KLHL32: variants seen among roughly 807,000 people sequenced by gnomAD.
KLHL32 encodes kelch-like protein 32.
KLHL32 carries 35 observed loss-of-function variants against 64.8 expected under a neutral mutation model. The observed-to-expected ratio is 0.54, with a 90% CI of 0.41 to 0.72. The LOEUF is 0.72. Among genes scored for constraint, KLHL32 ranks in the 30% least tolerant of loss-of-function variants. The probability of loss-of-function intolerance (pLI) is 0.00; values close to 1 mark genes in which losing one functional copy is unlikely to be tolerated. For missense variants in KLHL32, 589 were observed against 768.5 expected (o/e 0.77, Z 2.76); for synonymous variants, 259 against 281.0 (o/e 0.92, Z 0.78).
At chr6:96,974,096 C>T (rs942771491) in intron 2 of KLHL32, among the ~76,000 whole-genome samples, 20 of 151,998 alleles carry the variant, frequency 1.3e-4, no homozygotes, top group African/African-American at 4.4e-4. Context: ...TCTCAAAATA[C>T]CGGATCTTGG....
At chr6:97,018,328 A>G (rs892134830) in intron 3 of KLHL32, among the ~76,000 whole-genome samples, 10 of 152,088 alleles carry the variant, frequency 6.6e-5, no homozygotes, top group Admixed American at 1.3e-4. Context: ...TATTAAAAAT[A>G]TCAATTTGGC....
At chr6:96,907,909 A>G in the KLHL32 span, among the ~76,000 whole-genome samples, 56 of 152,348 alleles carry the variant, frequency 3.7e-4, no homozygotes, top group Middle Eastern at 3.4e-3. Context: ...TTGTATGTGA[A>G]TGACTAGTTA....
chr6:97,042,404 T>C (rs1766500), intron 4 of KLHL32, among the ~76,000 whole-genome samples: 38,655 of 152,126 alleles, frequency 0.25, 6,291 homozygotes, highest in African/African-American at 0.45. Context: ...GGTGTGGCTA[T>C]CAGTACACAA....
At chr6:97,017,237 G>T (rs547995889) in intron 3 of KLHL32, among the ~76,000 whole-genome samples, 1 of 152,216 alleles carries the variant, frequency 6.6e-6, no homozygotes, top group Admixed American at 6.5e-5. Context: ...ATGTCCTTGA[G>T]ATTTAGGAGA....
intron 3 of KLHL32, among the ~76,000 whole-genome samples, chr6:97,038,407 T>TA (rs964928373): frequency 6.6e-6 from 1 of 151,866 alleles, no homozygotes; most frequent in African/African-American, 2.4e-5. Flanking sequence ...TAGATATATT[T>TA]AAAAAAATGC....
Position 97,018,550 on chromosome 6 carries a change from G to A in KLHL32, c.205-22942G>A, listed in dbSNP as rs569183188. 4.0e-3 allele frequency among the ~76,000 whole-genome samples: 589 copies of A among 148,746 alleles called. 3 individuals carry two copies. The highest frequency in any genetic ancestry group is 3.8e-3 in the Non-Finnish European group (259 of 67,360). On this transcript the variant is annotated intron_variant, in intron 3 of 10. Coordinates refer to ENST00000369261, the MANE Select transcript of KLHL32 (RefSeq NM_052904.4). ...AGGGAGGCAGAGGTTGCAGCGAGCC[G>A]AGATCACACCACTGTGCTCCAGCCT...
intron 3 of KLHL32, among the ~76,000 whole-genome samples, chr6:97,011,823 G>A (rs1259474549): frequency 6.6e-6 from 1 of 152,148 alleles, no homozygotes; most frequent in Non-Finnish European, 1.5e-5. Flanking sequence ...TGTTATTCAA[G>A]CTGCAAAACC....
intron 4 of KLHL32, among the ~76,000 whole-genome samples, chr6:97,050,382 G>A (rs573360210): frequency 6.6e-6 from 1 of 152,302 alleles, no homozygotes; most frequent in East Asian, 1.9e-4. Context: ...GGAGAGAGCA[G>A]GGTGACTCCT....
At chr6:96,950,228 G>A (rs1304442346) in intron 1 of KLHL32, among the ~76,000 whole-genome samples, 1 of 145,804 alleles carries the variant, frequency 6.9e-6, no homozygotes, top group African/African-American at 2.5e-5. Context: ...CTACATTTGT[G>A]TTAAAAAAAA....
intron 7 of KLHL32, among the ~76,000 whole-genome samples, chr6:97,124,107 A>G (rs1191285495): frequency 6.6e-6 from 1 of 152,182 alleles, no homozygotes; most frequent in South Asian, 2.1e-4. Context: ...AATGTATCTT[A>G]GTATTGAGAG....
the KLHL32 span, among the ~76,000 whole-genome samples, chr6:96,903,928 A>G: frequency 6.6e-6 from 1 of 152,206 alleles, no homozygotes; most frequent in African/African-American, 2.4e-5. Flanking sequence ...TTCTTTTGCA[A>G]AATTAGCACT....
the KLHL32 span, among the ~76,000 whole-genome samples, chr6:96,909,954 ATG>A: frequency 6.6e-6 from 1 of 152,088 alleles, no homozygotes; most frequent in East Asian, 1.9e-4. Flanking sequence ...TTTTCCACAC[ATG>A]TGACAGGTGG....
chr6:96,970,644 A>C (rs537014685), intron 2 of KLHL32, among the ~76,000 whole-genome samples: 41 of 152,182 alleles, frequency 2.7e-4, no homozygotes, highest in Admixed American at 4.6e-4. Flanking sequence ...GCACAGGCTT[A>C]ATAAATATTT....
At chr6:96,898,856 G>T in the KLHL32 span, among the ~76,000 whole-genome samples, 11 of 152,162 alleles carry the variant, frequency 7.2e-5, no homozygotes, top group Admixed American at 7.2e-4. Context: ...CAGTAGGAAG[G>T]AAGTTACAGT....
chr6:97,070,062 C>T (rs762528192), intron 5 of KLHL32, among the ~76,000 whole-genome samples: 3 of 151,918 alleles, frequency 2.0e-5, no homozygotes, highest in Non-Finnish European at 4.4e-5. Flanking sequence ...CATTTTTCTT[C>T]AACACTGAAC....
At chr6:97,085,528 G>A (rs1430753271) in intron 6 of KLHL32, among the ~76,000 whole-genome samples, 187 bp downstream of exon 6, 1 of 152,126 alleles carries the variant, frequency 6.6e-6, no homozygotes, top group Admixed American at 6.6e-5. Flanking sequence ...AGCCCTCAGC[G>A]GACTCTGCCG....
chr6:96,953,914 C>G (rs1772948032), intron 1 of KLHL32, among the ~76,000 whole-genome samples: 1 of 151,386 alleles, frequency 6.6e-6, no homozygotes. Flanking sequence ...TCAAACTCTC[C>G]TCTAGCTGTA....
At chr6:97,044,907 TC>T (rs201026359) in intron 4 of KLHL32, among the ~76,000 whole-genome samples, 155 of 151,848 alleles carry the variant, frequency 1.0e-3, no homozygotes, top group African/African-American at 3.5e-3. Context: ...TCGTTTTTTT[TC>T]TTAGTCTGGC....
chr6:96,976,272 T>C, intron 3 of KLHL32, 95 bp downstream of exon 3: 1 of 1,199,888 alleles, frequency 8.3e-7, no homozygotes, highest in Middle Eastern at 2.9e-4. Flanking sequence ...AATTAGGTGG[T>C]ACCCCCAGAG....
Sources: allele counts gnomAD v4.1 joint callset (sites outside exome capture counted in the v4.1 genomes callset), GRCh38; gene constraint gnomAD v4.1.1; transcripts MANE v1.5; gene names NCBI Gene and HGNC (gene_info 2026-07-23, HGNC 2026-07-21).